KIT: variants seen among roughly 807,000 people sequenced by gnomAD.
The protein encoded by KIT is mast/stem cell growth factor receptor Kit.
A neutral mutation model predicts 105.7 loss-of-function variants in KIT; 16 were observed. The ratio of observed to expected loss-of-function variants is 0.15; its 90% confidence interval spans 0.10 to 0.23. The LOEUF is 0.23. Among genes scored for constraint, KIT ranks in the 10% least tolerant of loss-of-function variants. The pLI, the probability that KIT is intolerant of heterozygous loss-of-function variation, is 1.00. For missense variants in KIT, 858 were observed against 1,213.8 expected (o/e 0.71, Z 4.36); for synonymous variants, 438 against 441.1 (o/e 0.99, Z 0.09).
intron 11 of KIT, 135 bp from the exon 12 acceptor site, chr4:54,727,688 T>A: frequency 7.7e-7 from 1 of 1,303,750 alleles, no homozygotes; most frequent in Non-Finnish European, 1.1e-6. Context: ...AGGTTTGCCA[T>A]AGAGAACATC....
At chr4:54,671,919 A>G (rs1158807075) in intron 1 of KIT, among the ~76,000 whole-genome samples, 1 of 152,136 alleles carries the variant, frequency 6.6e-6, no homozygotes, top group Non-Finnish European at 1.5e-5. Flanking sequence ...ATAGAATTTC[A>G]TCTATAAATA....
intron 1 of KIT, among the ~76,000 whole-genome samples, chr4:54,692,122 A>G (rs1479000416): frequency 6.6e-6 from 1 of 152,170 alleles, no homozygotes; most frequent in Non-Finnish European, 1.5e-5. Flanking sequence ...CACTTTACAG[A>G]TGAGAAACTG....
chr4:54,692,269 G>A (rs1238911467), intron 1 of KIT, among the ~76,000 whole-genome samples: 5 of 152,244 alleles, frequency 3.3e-5, no homozygotes, highest in Admixed American at 2.6e-4. Flanking sequence ...TTCTATGATA[G>A]CATGTATTAA....
chr4:54,709,690 AGAGT>A, intron 7 of KIT, 151 bp downstream of exon 7: 1 of 695,460 alleles, frequency 1.4e-6, no homozygotes, highest in Non-Finnish European at 2.6e-6. Context: ...TTTGGTGGTT[AGAGT>A]GTGTCAAAAA....
At chr4:54,661,460 A>G (rs1446772428) in intron 1 of KIT, among the ~76,000 whole-genome samples, 1 of 152,192 alleles carries the variant, frequency 6.6e-6, no homozygotes, top group Non-Finnish European at 1.5e-5. Context: ...GAAGGACACG[A>G]GGAAATGAAC....
At chr4:54,685,976 T>C (rs1404407108) in intron 1 of KIT, among the ~76,000 whole-genome samples, 1 of 152,214 alleles carries the variant, frequency 6.6e-6, no homozygotes, top group African/African-American at 2.4e-5. Flanking sequence ...ATTATGTGAG[T>C]CTGTCTTCCC....
intron 16 of KIT, 108 bp downstream of exon 16, chr4:54,732,106 A>G (rs2109797279): frequency 1.6e-6 from 2 of 1,256,372 alleles, no homozygotes; most frequent in Non-Finnish European, 2.2e-6. Flanking sequence ...GTTAAAATGC[A>G]GAATGTCATT....
At position 54,731,430 on chromosome 4, in the gene KIT, AC is replaced by A. The variant is rs762520454; in HGVS notation, c.2233+13del. The A allele has an allele frequency of 2.7e-5, 43 of 1,566,436 alleles. No homozygotes were observed. The South Asian group carries it at 4.8e-4, about 17-fold the overall frequency. ...GATCTGTGAGAATAGGTGAGTACCTACCTATCAAGCAACCAAGAGTAACTTT... is the reference window on the plus strand; with the variant it reads ...GATCTGTGAGAATAGGTGAGTACCTACTATCAAGCAACCAAGAGTAACTTT... On this transcript the variant is annotated intron_variant, in intron 15 of 20. Coordinates refer to ENST00000288135, the MANE Select transcript of KIT (RefSeq NM_000222.3).
At position 54,728,020 on chromosome 4, in the gene KIT, A is replaced by G. The variant is rs373554876; in HGVS notation, c.1889A>G (p.His630Arg). 25 of 1,613,844 alleles carry G rather than the reference A, an allele frequency of 1.5e-5. No individual in the cohort carries two copies. In the Middle Eastern group the frequency reaches 4.9e-4, roughly 32 times the overall value. Reference sequence around the variant, plus strand: ...ATGTTTCCAATTTTAGCGAGTGCCCATTTGACAGAACGGGAAGCCCTCATG... The same window carrying G: ...ATGTTTCCAATTTTAGCGAGTGCCCGTTTGACAGAACGGGAAGCCCTCATG... ...VAVKMLKPSA[H>R]LTEREALMSE... is the part of the protein sequence containing the mutation. The change falls in exon 13 of 21, where the codon CAT (histidine) becomes CGT (arginine). Residue 630 changes from histidine (H) to arginine (R), a missense_variant. By Grantham distance (29) the His-to-Arg change is conservative. Transcript: ENST00000288135.
At chr4:54,708,814 C>T (rs1276043708) in intron 6 of KIT, among the ~76,000 whole-genome samples, 1 of 152,128 alleles carries the variant, frequency 6.6e-6, no homozygotes, top group Non-Finnish European at 1.5e-5. Flanking sequence ...GAGCCCCTGC[C>T]AGTAACCCCG....
chr4:54,671,859 G>A (rs144347046), intron 1 of KIT, among the ~76,000 whole-genome samples: 5 of 152,042 alleles, frequency 3.3e-5, no homozygotes, highest in African/African-American at 9.7e-5. Context: ...TACCAATACG[G>A]CCTCTACCCA....
At chr4:54,724,758 A>G (rs1260535158) in intron 8 of KIT, among the ~76,000 whole-genome samples, 1 of 142,618 alleles carries the variant, frequency 7.0e-6, no homozygotes, top group Non-Finnish European at 1.5e-5. Flanking sequence ...TGATGAGCTA[A>G]AAAAAAAAAA....
At chr4:54,700,212 G>A (rs1221587183) in intron 4 of KIT, among the ~76,000 whole-genome samples, 4 of 152,060 alleles carry the variant, frequency 2.6e-5, no homozygotes, top group African/African-American at 4.8e-5. Context: ...CCCTTCCCTC[G>A]CCCACAAATT....
rs1239816260 is a variant in KIT, at chr4:54,690,057, GT to G, written c.68-5454del. Among the ~76,000 whole-genome samples, 1,039 of 109,558 alleles carry G rather than the reference GT, an allele frequency of 9.5e-3. 24 individuals carry two copies. The highest frequency in any genetic ancestry group is 0.036 in the African/African-American group (957 of 26,430). The allele number at this position is 109,558 out of a possible 152,430, so 71.9% of individuals were successfully genotyped here. A position where few individuals can be genotyped will look rare whatever the true frequency, so the allele number is the denominator to read the frequency against. On this transcript the variant is annotated intron_variant, in intron 1 of 20. Transcript: ENST00000288135. ...ATGTATAGAATGTTACTTTTTTTTT[GT>G]GGGGGGGGGGGGCTGTGTAATGTTC... is the stretch of plus-strand genomic sequence containing the variant.
intron 7 of KIT, among the ~76,000 whole-genome samples, chr4:54,715,890 G>A (rs1721460367): frequency 6.6e-6 from 1 of 152,192 alleles, no homozygotes; most frequent in African/African-American, 2.4e-5. Flanking sequence ...TGCCTGCAAG[G>A]ACTGCTCAGA....
At chr4:54,700,881 A>G (rs2109683249) in intron 4 of KIT, among the ~76,000 whole-genome samples, 1 of 152,310 alleles carries the variant, frequency 6.6e-6, no homozygotes, top group African/African-American at 2.4e-5. Flanking sequence ...ATTCTTTCAA[A>G]CCAATGACTC....
rs765071640 is a variant in KIT at position 54,723,603 on chromosome 4, T to A, written c.1251T>A (p.Thr417=). ...VYVNTKPEIL[T]YDRLVNGMLQ... ...CTGTAGCAAAACCAGAAATCCTGACTTACGACAGGCTCGTGAATGGCATGC... is the reference window on the plus strand; with the variant it reads ...CTGTAGCAAAACCAGAAATCCTGACATACGACAGGCTCGTGAATGGCATGC... Residue 417 remains threonine (T), a synonymous_variant, in exon 8 of 21, where the codon ACT becomes ACA. Coordinates refer to ENST00000288135, the MANE Select transcript of KIT (RefSeq NM_000222.3). The A allele has an allele frequency of 2.5e-6, 4 of 1,613,928 alleles. No individual in the cohort carries two copies. The highest frequency in any genetic ancestry group is 3.4e-6 in the Non-Finnish European group (4 of 1,179,804).
At chr4:54,727,677 T>C in intron 11 of KIT, 135 bp downstream of exon 11, 2 of 1,336,912 alleles carry the variant, frequency 1.5e-6, no homozygotes, top group African/African-American at 1.4e-5. Context: ...CCCCTTTTGA[T>C]AGGTTTGCCA....
In KIT at chr4:54,703,852, T is replaced by C; in HGVS notation, c.885T>C (p.Thr295=). The change falls in exon 5 of 21, where the codon ACT becomes ACC. Residue 295 remains threonine, a synonymous_variant. Transcript: ENST00000288135. The stretch of plus-strand genomic sequence containing the variant: ...TGTTCATGTGTTATGCCAATAATAC[T>C]TTTGGATCAGCAAATGTCACAACAA... ...SGVFMCYANN[T]FGSANVTTTL... is the part of the protein sequence containing the mutation. 2 of 1,613,868 alleles carry C rather than the reference T, an allele frequency of 1.2e-6. No individual in the cohort carries two copies. The highest frequency in any genetic ancestry group is 1.7e-6 in the Non-Finnish European group (2 of 1,179,754).
Sources: allele counts gnomAD v4.1 joint callset (sites outside exome capture counted in the v4.1 genomes callset), GRCh38; gene constraint gnomAD v4.1.1; transcripts MANE v1.5; gene names NCBI Gene and HGNC (gene_info 2026-07-23, HGNC 2026-07-21).